MYO10: variants seen among roughly 807,000 people sequenced by gnomAD.
MYO10 encodes myosin X.
In MYO10, 133 loss-of-function variants were observed where a neutral mutation model predicts 257.3. That is an observed-to-expected ratio of 0.52 (90% CI 0.45 to 0.60). MYO10 has a LOEUF of 0.60. Among genes scored for constraint, MYO10 ranks in the 20% least tolerant of loss-of-function variants. The probability of loss-of-function intolerance (pLI) is 0.00; values close to 1 mark genes in which losing one functional copy is unlikely to be tolerated. For missense variants in MYO10, 2,399 were observed against 2,635.7 expected (o/e 0.91, Z 1.97); for synonymous variants, 1,104 against 1,028.6 (o/e 1.07, Z -1.40).
chr5:16,695,963 G>A (rs1230300627), intron 26 of MYO10, among the ~76,000 whole-genome samples: 2 of 152,054 alleles, frequency 1.3e-5, no homozygotes, highest in Non-Finnish European at 2.9e-5. Context: ...ACTTGCCAAC[G>A]GCTACCAGAA....
At chr5:16,803,925 T>G (rs562234070) in intron 3 of MYO10, among the ~76,000 whole-genome samples, 54 of 152,150 alleles carry the variant, frequency 3.5e-4, no homozygotes, top group Non-Finnish European at 7.6e-4. Context: ...GCACACCCAC[T>G]CATTTGCTCT....
At chr5:16,819,149 C>G (rs946779952) in intron 2 of MYO10, among the ~76,000 whole-genome samples, 3 of 152,116 alleles carry the variant, frequency 2.0e-5, no homozygotes, top group Non-Finnish European at 2.9e-5. Context: ...GGATATATAG[C>G]ATTTGTGTAC....
intron 1 of MYO10, among the ~76,000 whole-genome samples, chr5:16,889,189 T>TA (rs34138785): frequency 0.28 from 16,717 of 58,798 alleles, 1,065 homozygotes; most frequent in African/African-American, 0.32. Flanking sequence ...TAAAAAAATT[T>TA]AAAAAAAAAA....
At chr5:16,677,636 C>T (rs2126485363) in intron 33 of MYO10, among the ~76,000 whole-genome samples, 1 of 152,010 alleles carries the variant, frequency 6.6e-6, no homozygotes, top group South Asian at 2.1e-4. Context: ...AGGATGGTCT[C>T]AATCTCCTGA....
intron 2 of MYO10, among the ~76,000 whole-genome samples, chr5:16,851,539 G>A (rs1039203872): frequency 6.6e-6 from 1 of 152,162 alleles, no homozygotes; most frequent in Non-Finnish European, 1.5e-5. Flanking sequence ...TTGTATAAAT[G>A]TAAGGCCCAG....
chr5:16,821,136 A>G (rs1285163137), intron 2 of MYO10, among the ~76,000 whole-genome samples: 1 of 147,642 alleles, frequency 6.8e-6, no homozygotes, highest in Non-Finnish European at 1.5e-5. Context: ...ATGTATGTAT[A>G]TGTATGTATA....
In MYO10 at chr5:16,765,567, G is replaced by A. The variant is rs536527935; in HGVS notation, c.1179+513C>T. 7.2e-5 allele frequency among the ~76,000 whole-genome samples: 11 copies of A among 152,264 alleles called. No individual in the cohort carries two copies. The East Asian group carries it at 1.9e-3, about 27-fold the overall frequency. ...AGCACATATACATTGGCTCAGCGCA[G>A]TAGCAGAGGCAAATATAAATAAAAC... On this transcript the variant is annotated intron_variant, in intron 11 of 40. Transcript: ENST00000513610.
intron 1 of MYO10, among the ~76,000 whole-genome samples, chr5:16,885,017 T>C (rs1442067322): frequency 6.6e-6 from 1 of 152,148 alleles, no homozygotes; most frequent in African/African-American, 2.4e-5. Flanking sequence ...AGATAAAGTA[T>C]CGCTGGGGCA....
At chr5:16,695,891 T>A (rs1223486718) in intron 26 of MYO10, among the ~76,000 whole-genome samples, 3 of 152,248 alleles carry the variant, frequency 2.0e-5, no homozygotes, top group Non-Finnish European at 4.4e-5. Flanking sequence ...CCCCTGCTCA[T>A]CTAGCTGAGA....
chr5:16,842,158 G>A (rs1027239411), intron 2 of MYO10, among the ~76,000 whole-genome samples: 3 of 152,136 alleles, frequency 2.0e-5, no homozygotes, highest in African/African-American at 7.2e-5. Flanking sequence ...TAGATCATGT[G>A]CCCCCAGACC....
At position 16,847,123 on chromosome 5, in the gene MYO10, GA is replaced by G. The variant is rs879770356; in HGVS notation, c.121-28957del. Among the ~76,000 whole-genome samples the G allele has an allele frequency of 6.2e-3, 884 of 142,786 alleles. 6 individuals are homozygous for G. The highest frequency in any genetic ancestry group is 1.0e-2 in the Non-Finnish European group (649 of 65,134). The allele number at this position is 142,786 out of a possible 152,430, so 93.7% of individuals were successfully genotyped here. A position where few individuals can be genotyped will look rare whatever the true frequency, so the allele number is the denominator to read the frequency against. On this transcript the variant is annotated intron_variant, in intron 2 of 40. Transcript: ENST00000513610. ...ATAGAGTGAGACTCTGTCTCCAAAGGAAAAAAAAAAGTATTTAAAAATTGCT... is the reference window on the plus strand; with the variant it reads ...ATAGAGTGAGACTCTGTCTCCAAAGGAAAAAAAAAGTATTTAAAAATTGCT...
chr5:16,914,808 T>C (rs1458715425), intron 1 of MYO10, among the ~76,000 whole-genome samples: 1 of 152,170 alleles, frequency 6.6e-6, no homozygotes, highest in Admixed American at 6.5e-5. Flanking sequence ...GACATCAACT[T>C]GTAAGAGAAG....
rs181979924 is a variant in MYO10, at chr5:16,785,161, C to T, written c.468-1692G>A. Among the ~76,000 whole-genome samples, 7 of 152,374 alleles carry T rather than the reference C, an allele frequency of 4.6e-5. No individual in the cohort carries two copies. The East Asian group carries it at 9.6e-4, about 21-fold the overall frequency. On this transcript the variant is annotated intron_variant, in intron 4 of 40. Transcript: ENST00000513610. ...CTGAATCCACATCCCTGAAACTGCC[C>T]TGCCTCATGTAGTCTGAAATAGTAA...
chr5:16,870,694 A>G (rs1330247655), intron 2 of MYO10, among the ~76,000 whole-genome samples: 1 of 152,060 alleles, frequency 6.6e-6, no homozygotes, highest in Admixed American at 6.6e-5. Context: ...GGAGTTGGAG[A>G]CCAGCCCGAC....
At chr5:16,722,414 T>C (rs1363931068) in intron 19 of MYO10, among the ~76,000 whole-genome samples, 2 of 152,214 alleles carry the variant, frequency 1.3e-5, no homozygotes, top group South Asian at 4.1e-4. Context: ...ATGAACAAAA[T>C]TGTGCTTCTG....
chr5:16,854,506 T>C (rs1274655375), intron 2 of MYO10, among the ~76,000 whole-genome samples: 2 of 152,126 alleles, frequency 1.3e-5, no homozygotes, highest in African/African-American at 4.8e-5. Flanking sequence ...GGCAGAGCTA[T>C]AGAGACAGAA....
intron 19 of MYO10, among the ~76,000 whole-genome samples, chr5:16,746,126 G>A (rs574334914): frequency 6.6e-6 from 1 of 152,224 alleles, no homozygotes; most frequent in South Asian, 2.1e-4. Context: ...CTAAACAAGG[G>A]GTGCATTATT....
At chr5:16,772,421 C>T (rs1223397785) in intron 9 of MYO10, among the ~76,000 whole-genome samples, 1 of 152,176 alleles carries the variant, frequency 6.6e-6, no homozygotes, top group Non-Finnish European at 1.5e-5. Flanking sequence ...GCGTGAGCCA[C>T]GGCGCCCAGC....
chr5:16,698,784 C>T lies in MYO10; in HGVS notation c.3556+666G>A, dbSNP rs1299036152. 2.7e-5 allele frequency among the ~76,000 whole-genome samples: 4 copies of T among 150,306 alleles called. 1 individual carries two copies. Among genetic ancestry groups the T allele is most frequent in the South Asian group, 2.1e-4 (1 of 4,782 alleles). On this transcript the variant is annotated intron_variant, in intron 26 of 40. Transcript: ENST00000513610. ...CACTACAGGAGCCCGCCACCGCTCCCGGCTAATTTTTTGTATTTTTAGTAG... is the reference window on the plus strand; with the variant it reads ...CACTACAGGAGCCCGCCACCGCTCCTGGCTAATTTTTTGTATTTTTAGTAG...
Sources: allele counts gnomAD v4.1 joint callset (sites outside exome capture counted in the v4.1 genomes callset), GRCh38; gene constraint gnomAD v4.1.1; transcripts MANE v1.5; gene names NCBI Gene and HGNC (gene_info 2026-07-23, HGNC 2026-07-21).